Variants in RBFOX1 observed in about 807,000 individuals in gnomAD.
The protein encoded by RBFOX1 is RNA binding protein fox-1 homolog 1.
A neutral mutation model predicts 57.7 loss-of-function variants in RBFOX1; 8 were observed. The observed-to-expected ratio is 0.14, with a 90% CI of 0.08 to 0.25. The LOEUF is 0.25. Among genes scored for constraint, RBFOX1 ranks in the 10% least tolerant of loss-of-function variants. RBFOX1 has a pLI of 1.00. For missense variants in RBFOX1, 611 were observed against 548.5 expected (o/e 1.11, Z -1.14); for synonymous variants, 326 against 222.4 (o/e 1.47, Z -4.15).
chr16:5,658,334 T>G (rs1357153552), intron 3 of RBFOX1, among the ~76,000 whole-genome samples: 1 of 152,254 alleles, frequency 6.6e-6, no homozygotes, highest in East Asian at 1.9e-4. Context: ...AGTCCAAGTT[T>G]GTAGCTGAAA....
intron 3 of RBFOX1, among the ~76,000 whole-genome samples, chr16:5,777,709 A>C (rs1454368973): frequency 5.3e-5 from 8 of 152,198 alleles, no homozygotes; most frequent in Non-Finnish European, 1.0e-4. Context: ...AGTGACCATC[A>C]CACAGGGAAA....
intron 4 of RBFOX1, among the ~76,000 whole-genome samples, chr16:7,152,681 T>C (rs2076322302): frequency 6.6e-6 from 1 of 152,188 alleles, no homozygotes; most frequent in South Asian, 2.1e-4. Context: ...TATTTTGCTT[T>C]GGAAATGCAG....
At chr16:6,982,441 CCTTTCATTGCAGCGAGCTCCTTCTCATT>C (rs561759640) in intron 3 of RBFOX1, among the ~76,000 whole-genome samples, 2 of 152,260 alleles carry the variant, frequency 1.3e-5, no homozygotes, top group East Asian at 3.9e-4. Context: ...CTACTTAAGT[CCTTTCATTGCAGCGAGCTCCTTCTCATT>C]CGTTCATGAG....
intron 4 of RBFOX1, among the ~76,000 whole-genome samples, chr16:7,227,530 C>T (rs1300941422): frequency 1.3e-5 from 2 of 152,182 alleles, no homozygotes; most frequent in Non-Finnish European, 2.9e-5. Flanking sequence ...GCTCTTCAGA[C>T]GCAGTGGTTT....
chr16:5,771,052 G>C (rs1026443663), intron 3 of RBFOX1, among the ~76,000 whole-genome samples: 2 of 152,180 alleles, frequency 1.3e-5, no homozygotes, highest in Admixed American at 6.5e-5. Flanking sequence ...CGCAAAACCT[G>C]AGGCTGCCTC....
chr16:5,606,960 T>A (rs956992356), intron 3 of RBFOX1, among the ~76,000 whole-genome samples: 3 of 152,214 alleles, frequency 2.0e-5, no homozygotes, highest in Non-Finnish European at 4.4e-5. Flanking sequence ...TTTGCTGTGA[T>A]CAGTGTGTGG....
chr16:6,406,202 A>G (rs2093274905), intron 2 of RBFOX1, among the ~76,000 whole-genome samples: 1 of 152,242 alleles, frequency 6.6e-6, no homozygotes, highest in South Asian at 2.1e-4. Flanking sequence ...CTGTCATTGA[A>G]GCATTTCTCT....
rs958684686 is a variant in RBFOX1 at position 7,630,690 on chromosome 16, C to G, written c.757+7C>G. The G allele has an allele frequency of 6.2e-7, 1 of 1,614,106 alleles. No individual in the cohort carries two copies. The highest frequency in any genetic ancestry group is 1.7e-5 in the Admixed American group (1 of 60,016). On this transcript the variant is annotated splice_region_variant and intron_variant, in intron 11 of 15. Coordinates refer to ENST00000550418, the MANE Select transcript of RBFOX1 (RefSeq NM_018723.4). Reference sequence around the variant, plus strand: ...CTTGTATATACTTCTGCAAGTAAGCCCACTGTCGTGGCTCTTTTTGTTTTG... The same window carrying G: ...CTTGTATATACTTCTGCAAGTAAGCGCACTGTCGTGGCTCTTTTTGTTTTG...
chr16:6,898,199 T>C (rs770577778), intron 3 of RBFOX1, among the ~76,000 whole-genome samples: 3 of 152,240 alleles, frequency 2.0e-5, no homozygotes, highest in South Asian at 2.1e-4. Context: ...TTACAGTCCA[T>C]TGTGGAGTTT....
chr16:7,498,364 A>G (rs957677312), intron 4 of RBFOX1, among the ~76,000 whole-genome samples: 2 of 152,138 alleles, frequency 1.3e-5, no homozygotes, highest in African/African-American at 4.8e-5. Context: ...CTCAGCCTCT[A>G]TGACACCTGA....
intron 3 of RBFOX1, among the ~76,000 whole-genome samples, chr16:6,686,954 G>T (rs2059523530): frequency 6.6e-6 from 1 of 152,160 alleles, no homozygotes; most frequent in Non-Finnish European, 1.5e-5. Flanking sequence ...TGCTCGTAAT[G>T]ATATGATGTG....
At chr16:6,887,365 C>T (rs1371024106) in intron 3 of RBFOX1, among the ~76,000 whole-genome samples, 1 of 152,038 alleles carries the variant, frequency 6.6e-6, no homozygotes. Context: ...TGACAGTTCT[C>T]CCTGGCCTTA....
chr16:6,294,279 C>A (rs149627185), intron 1 of RBFOX1, among the ~76,000 whole-genome samples: 1,719 of 152,296 alleles, frequency 0.011, 10 homozygotes, highest in Middle Eastern at 0.017. Flanking sequence ...AGAGCACAGA[C>A]TCTTCCTGAA....
intron 1 of RBFOX1, among the ~76,000 whole-genome samples, chr16:6,083,714 C>A (rs117256287): frequency 6.6e-6 from 1 of 152,054 alleles, no homozygotes; most frequent in Admixed American, 6.6e-5. Flanking sequence ...CAGGCTCATG[C>A]GATCCTCCTA....
chr16:6,215,856 A>C (rs550458478), intron 1 of RBFOX1, among the ~76,000 whole-genome samples: 1 of 152,296 alleles, frequency 6.6e-6, no homozygotes, highest in East Asian at 1.9e-4. Flanking sequence ...ACCCAGTATG[A>C]ATCAACTCGC....
At chr16:6,859,057 G>A (rs1281788283) in intron 3 of RBFOX1, among the ~76,000 whole-genome samples, 1 of 145,406 alleles carries the variant, frequency 6.9e-6, no homozygotes, top group Non-Finnish European at 1.5e-5. Context: ...CTGGAAGGAG[G>A]AATTAAGTTA....
chr16:6,741,878 A>G (rs2072261950), intron 3 of RBFOX1, among the ~76,000 whole-genome samples: 1 of 152,230 alleles, frequency 6.6e-6, no homozygotes, highest in African/African-American at 2.4e-5. Context: ...ACAAAGTTTT[A>G]GTTAGATAGG....
intron 1 of RBFOX1, among the ~76,000 whole-genome samples, chr16:5,315,493 C>T (rs766366980): frequency 2.6e-5 from 4 of 152,144 alleles, no homozygotes; most frequent in Non-Finnish European, 5.9e-5. Flanking sequence ...ACGGGGTCTG[C>T]GTAGCTGCAC....
chr16:5,349,980 A>G (rs2065227486), intron 1 of RBFOX1, among the ~76,000 whole-genome samples: 2 of 152,250 alleles, frequency 1.3e-5, no homozygotes, highest in African/African-American at 4.8e-5. Flanking sequence ...GGCTAATTAA[A>G]TAAATTGATC....
Sources: allele counts gnomAD v4.1 joint callset (sites outside exome capture counted in the v4.1 genomes callset), GRCh38; gene constraint gnomAD v4.1.1; transcripts MANE v1.5; gene names NCBI Gene and HGNC (gene_info 2026-07-23, HGNC 2026-07-21).